Variants in RBFOX1 observed in about 807,000 individuals in gnomAD.
RBFOX1 encodes RNA binding fox-1 homolog 1.
A neutral mutation model predicts 57.7 loss-of-function variants in RBFOX1; 8 were observed. The ratio of observed to expected loss-of-function variants is 0.14; its 90% CI spans 0.08 to 0.25. The LOEUF is 0.25. Ranked by LOEUF, RBFOX1 falls within the 10% of genes least tolerant of loss-of-function variation. RBFOX1 has a pLI of 1.00. For synonymous variants in RBFOX1, 326 were observed against 222.4 expected, an observed-to-expected ratio of 1.47 and a Z score of -4.15; for missense variants, 611 against 548.5, an observed-to-expected ratio of 1.11 and a Z score of -1.14.
intron 1 of RBFOX1, among the ~76,000 whole-genome samples, chr16:6,205,817 A>G (rs2097251564): frequency 6.7e-6 from 1 of 149,334 alleles, no homozygotes; most frequent in Non-Finnish European, 1.5e-5. Flanking sequence ...AAGTACATTC[A>G]CAAATATTTT....
At chr16:5,939,481 G>T (rs1299472680) in intron 4 of RBFOX1, among the ~76,000 whole-genome samples, 1 of 152,168 alleles carries the variant, frequency 6.6e-6, no homozygotes, top group East Asian at 1.9e-4. Flanking sequence ...CCTGTTTCTT[G>T]TCATGGAGGA....
chr16:5,611,769 C>CCAT (rs2047812681), intron 3 of RBFOX1, among the ~76,000 whole-genome samples: 6 of 116,338 alleles, frequency 5.2e-5, no homozygotes, highest in Admixed American at 9.5e-5. Context: ...TTTTCAGTCT[C>CCAT]CCATCCATCC....
intron 5 of RBFOX1, among the ~76,000 whole-genome samples, chr16:7,544,447 C>G (rs1200118397): frequency 6.6e-6 from 1 of 152,154 alleles, no homozygotes; most frequent in Non-Finnish European, 1.5e-5. Flanking sequence ...TGAGGTTATA[C>G]TGGATTAGGG....
rs530665338 is a variant in RBFOX1, at chr16:5,815,734, T to C, written c.319-51569T>C. 6.6e-5 allele frequency among the ~76,000 whole-genome samples: 10 copies of C among 152,292 alleles called. No homozygotes were observed. In the South Asian group the frequency reaches 2.1e-3, roughly 32 times the overall value. ...TTCTTGTAAAACCATTGCAATACAA[T>C]GCACTTTAATAAATCACCCCACGCT... On this transcript the variant is annotated intron_variant, in intron 3 of 19. Coordinates refer to the RBFOX1 transcript ENST00000641259.
intron 4 of RBFOX1, among the ~76,000 whole-genome samples, chr16:7,507,375 C>A (rs2073662671): frequency 6.6e-6 from 1 of 152,022 alleles, no homozygotes; most frequent in Non-Finnish European, 1.5e-5. Flanking sequence ...TGATCCCCTA[C>A]ATGGGTCTTA....
chr16:7,671,516 C>G (rs777955279), intron 13 of RBFOX1: 1 of 1,542,054 alleles, frequency 6.5e-7, no homozygotes, highest in Non-Finnish European at 8.9e-7. Flanking sequence ...TTATTTATTT[C>G]ATTTTTGCAT....
At chr16:6,670,738 C>T (rs994593219) in intron 3 of RBFOX1, among the ~76,000 whole-genome samples, 1 of 152,076 alleles carries the variant, frequency 6.6e-6, no homozygotes, top group African/African-American at 2.4e-5. Context: ...TGGTTCACGC[C>T]TGTAATCCCA....
intron 4 of RBFOX1, among the ~76,000 whole-genome samples, chr16:7,281,441 C>G (rs760665687): frequency 2.7e-4 from 41 of 152,034 alleles, no homozygotes; most frequent in African/African-American, 9.7e-4. Context: ...CTTTAGTCCT[C>G]TCTTCTATAA....
chr16:6,988,552 A>C (rs1376781237), intron 3 of RBFOX1, among the ~76,000 whole-genome samples: 1 of 149,698 alleles, frequency 6.7e-6, no homozygotes, highest in Non-Finnish European at 1.5e-5. Flanking sequence ...TTTTTATTTT[A>C]ATTTAACTTT....
intron 3 of RBFOX1, among the ~76,000 whole-genome samples, chr16:6,688,357 C>T (rs978436114): frequency 1.3e-5 from 2 of 152,118 alleles, no homozygotes; most frequent in Non-Finnish European, 2.9e-5. Context: ...ATTCAATCAC[C>T]TCTCATCAGG....
At chr16:5,898,013 A>T (rs1040799524) in intron 4 of RBFOX1, among the ~76,000 whole-genome samples, 1 of 152,102 alleles carries the variant, frequency 6.6e-6, no homozygotes, top group Non-Finnish European at 1.5e-5. Context: ...TGGGTAATTT[A>T]TAAGGAAAGA....
chr16:5,287,227 C>T (rs530858682), intron 1 of RBFOX1, among the ~76,000 whole-genome samples: 1 of 152,040 alleles, frequency 6.6e-6, no homozygotes, highest in East Asian at 1.9e-4. Flanking sequence ...TCACTTGAGC[C>T]CAGGATTTTG....
chr16:6,385,647 C>A (rs1295709859), intron 2 of RBFOX1, among the ~76,000 whole-genome samples: 2 of 152,192 alleles, frequency 1.3e-5, no homozygotes. Flanking sequence ...GCAAGTTTTT[C>A]CCATCTTTAA....
intron 4 of RBFOX1, among the ~76,000 whole-genome samples, chr16:7,060,424 C>T (rs749799336): frequency 4.6e-5 from 7 of 152,200 alleles, no homozygotes; most frequent in African/African-American, 1.2e-4. Flanking sequence ...AATGCATGCA[C>T]GTTCATATGT....
intron 3 of RBFOX1, among the ~76,000 whole-genome samples, chr16:6,851,765 G>T (rs1189124047): frequency 6.6e-6 from 1 of 152,086 alleles, no homozygotes; most frequent in Non-Finnish European, 1.5e-5. Context: ...ACAGGCAGAA[G>T]GACTGGCAGG....
Position 7,296,457 on chromosome 16 carries a change from C to G in RBFOX1, c.28-221690C>G, listed in dbSNP as rs188381047. ...TTGGAACTGTCCATGTCATTGAGGG[C>G]TAGGGGATAAGAAGTCTGAGAATCA... On this transcript the variant is annotated intron_variant, in intron 4 of 15. Coordinates refer to ENST00000550418, the MANE Select transcript of RBFOX1 (RefSeq NM_018723.4). Among the ~76,000 whole-genome samples the G allele has an allele frequency of 1.7e-3, 262 of 152,024 alleles. 3 individuals carry two copies. The highest frequency in any genetic ancestry group is 0.015 in the Admixed American group (228 of 15,270).
intron 3 of RBFOX1, among the ~76,000 whole-genome samples, chr16:6,885,442 C>T (rs181807929): frequency 1.3e-5 from 2 of 152,272 alleles, no homozygotes; most frequent in African/African-American, 4.8e-5. Flanking sequence ...TTCTATAGTA[C>T]CTTTCAGTAT....
At chr16:6,768,318 A>G (rs2077707350) in intron 3 of RBFOX1, among the ~76,000 whole-genome samples, 1 of 151,332 alleles carries the variant, frequency 6.6e-6, no homozygotes, top group Non-Finnish European at 1.5e-5. Context: ...GACAATAAAG[A>G]GTCTTATTAA....
At position 6,501,571 on chromosome 16, in the gene RBFOX1, G is replaced by C. The variant is rs190576902; in HGVS notation, c.-63-153032G>C. On this transcript the variant is annotated intron_variant, in intron 2 of 15. Transcript: ENST00000550418. ...ACATTTGGGTTGGTTCCAAGTCTTT[G>C]CTATTGTGAATAGTGCCACAATAAA... is the stretch of plus-strand genomic sequence containing the variant. Among the ~76,000 whole-genome samples, 1,389 of 152,056 alleles carry C rather than the reference G, an allele frequency of 9.1e-3. 9 individuals are homozygous for C. The highest frequency in any genetic ancestry group is 0.016 in the Non-Finnish European group (1,112 of 67,998).
Sources: allele counts gnomAD v4.1 joint callset (sites outside exome capture counted in the v4.1 genomes callset), GRCh38; gene constraint gnomAD v4.1.1; transcripts MANE v1.5; gene names NCBI Gene and HGNC (gene_info 2026-07-23, HGNC 2026-07-21).